Variants in GPR63 observed in about 807,000 individuals in gnomAD.
GPR63 encodes probable G protein-coupled receptor 63.
In GPR63, 12 loss-of-function variants were observed where a neutral mutation model predicts 23.1. The ratio of observed to expected loss-of-function variants is 0.52; its 90% CI spans 0.33 to 0.84. The LOEUF is 0.84. Among genes scored for constraint, GPR63 ranks in the 40% least tolerant of loss-of-function variants. GPR63 has a pLI of 0.02. For synonymous variants in GPR63, 172 were observed against 191.1 expected (o/e 0.90, Z 0.82); for missense variants, 472 against 515.6 (o/e 0.92, Z 0.82).
At chr6:96,825,476 G>A (rs1411549968) in intron 1 of GPR63, among the ~76,000 whole-genome samples, 1 of 151,970 alleles carries the variant, frequency 6.6e-6, no homozygotes, top group Non-Finnish European at 1.5e-5. Flanking sequence ...GATATGGAGT[G>A]TCTTCTACCT....
At position 96,829,757 on chromosome 6, in the gene GPR63, C is replaced by T. The variant is rs867687445; in HGVS notation, c.-151+7511G>A. ...AACATAAGCAGCTAAAGTGATGATT[C>T]GAGATTTACACTCTGAACAAAGCAA... is the stretch of plus-strand genomic sequence containing the variant. On this transcript the variant is annotated intron_variant, in intron 1 of 1. Transcript: ENST00000229955. Among the ~76,000 whole-genome samples the T allele has an allele frequency of 2.0e-5, 3 of 151,696 alleles. No homozygotes were observed. The East Asian group carries it at 5.8e-4, about 29-fold the overall frequency.
In GPR63 at chr6:96,795,347, TTAG is replaced by T. The variant is rs1386929369; in HGVS notation, c.*3122_*3124del. The T allele has an allele frequency of 6.6e-6, 1 of 152,194 alleles. No homozygotes were observed. Among genetic ancestry groups the T allele is most frequent in the Non-Finnish European group, 1.5e-5 (1 of 68,038 alleles). The allele number at this position is 152,194 out of a possible 1,614,324, so 9.4% of individuals were successfully genotyped here. A position where few individuals can be genotyped will look rare whatever the true frequency, so the allele number is the denominator to read the frequency against. On this transcript the variant is annotated 3_prime_UTR_variant, in exon 2 of 2. Transcript: ENST00000229955. ...TGATTATGCCTGTAAGCAGTGAGAA[TTAG>T]TAGTGGTATCTTTCCCTGCCTCAAG...
At chr6:96,833,322 C>T (rs1327556356) in intron 1 of GPR63, among the ~76,000 whole-genome samples, 1 of 152,172 alleles carries the variant, frequency 6.6e-6, no homozygotes, top group Non-Finnish European at 1.5e-5. Context: ...AAATACCATA[C>T]CAAATACATG....
intron 1 of GPR63, among the ~76,000 whole-genome samples, chr6:96,811,717 C>T (rs1244033129): frequency 6.6e-6 from 1 of 152,002 alleles, no homozygotes; most frequent in Admixed American, 6.6e-5. Flanking sequence ...CTAATTAAAA[C>T]TGGGGGAATG....
chr6:96,828,605 C>T (rs1774502440), intron 1 of GPR63, among the ~76,000 whole-genome samples: 1 of 145,972 alleles, frequency 6.9e-6, no homozygotes, highest in Admixed American at 6.8e-5. Context: ...TCAGTCTATC[C>T]AAAAGAAGGC....
chr6:96,801,979 A>G (rs1697166826), intron 1 of GPR63, among the ~76,000 whole-genome samples: 2 of 152,238 alleles, frequency 1.3e-5, no homozygotes, highest in African/African-American at 2.4e-5. Context: ...TTAATTGTAA[A>G]TTAACCTCAA....
intron 1 of GPR63, among the ~76,000 whole-genome samples, chr6:96,832,546 T>A (rs919696910): frequency 3.3e-5 from 5 of 152,006 alleles, no homozygotes; most frequent in African/African-American, 4.8e-5. Flanking sequence ...GTTCTGGGAT[T>A]ACAGGCATGA....
intron 1 of GPR63, among the ~76,000 whole-genome samples, chr6:96,826,540 A>G (rs1303368054): frequency 6.6e-6 from 1 of 152,158 alleles, no homozygotes; most frequent in Non-Finnish European, 1.5e-5. Context: ...CAAACACTCT[A>G]CAGTAAGATT....
intron 1 of GPR63, among the ~76,000 whole-genome samples, chr6:96,813,793 T>C (rs1774098854): frequency 6.6e-6 from 1 of 152,190 alleles, no homozygotes; most frequent in Non-Finnish European, 1.5e-5. Context: ...ATGTCTTCGA[T>C]TATTTGATCT....
intron 1 of GPR63, among the ~76,000 whole-genome samples, chr6:96,804,953 C>T (rs557809365): frequency 4.6e-5 from 7 of 152,226 alleles, no homozygotes; most frequent in Admixed American, 4.6e-4. Context: ...TAATAAATAA[C>T]TTACATATTT....
intron 1 of GPR63, among the ~76,000 whole-genome samples, chr6:96,819,764 C>T (rs1283193409): frequency 1.3e-5 from 2 of 150,492 alleles, no homozygotes; most frequent in Admixed American, 6.6e-5. Flanking sequence ...GGGTAGATCA[C>T]GAGGTCAGGG....
At chr6:96,832,158 T>C (rs1225471666) in intron 1 of GPR63, among the ~76,000 whole-genome samples, 1 of 152,112 alleles carries the variant, frequency 6.6e-6, no homozygotes, top group East Asian at 1.9e-4. Context: ...ATAGTATTTT[T>C]CTATATGTAT....
intron 1 of GPR63, among the ~76,000 whole-genome samples, chr6:96,807,367 C>T (rs1773923146): frequency 6.6e-6 from 1 of 152,234 alleles, no homozygotes; most frequent in Non-Finnish European, 1.5e-5. Flanking sequence ...AACACAGGGA[C>T]CAAAACTAAA....
At chr6:96,837,047 G>T (rs1450939317) in intron 1 of GPR63, among the ~76,000 whole-genome samples, 2 of 152,166 alleles carry the variant, frequency 1.3e-5, no homozygotes, top group Non-Finnish European at 2.9e-5. Flanking sequence ...GGTCCCCACC[G>T]TGTGGCGCCG....
chr6:96,805,709 T>A (rs1562116419), intron 1 of GPR63, among the ~76,000 whole-genome samples: 1 of 152,142 alleles, frequency 6.6e-6, no homozygotes, highest in East Asian at 1.9e-4. Context: ...GTAGGAAAGG[T>A]TAACTGCAAA....
intron 1 of GPR63, among the ~76,000 whole-genome samples, chr6:96,820,984 G>A (rs1774299906): frequency 6.6e-6 from 1 of 152,118 alleles, no homozygotes; most frequent in Admixed American, 6.5e-5. Flanking sequence ...AAGTCAGTCG[G>A]GGAAACAATA....
Position 96,794,647 on chromosome 6 carries a change from G to C in GPR63, c.*3825C>G, listed in dbSNP as rs918359712. 6.6e-6 allele frequency: 1 copy of C among 152,134 alleles called. No homozygotes were observed. Among genetic ancestry groups the C allele is most frequent in the African/African-American group, 2.4e-5 (1 of 41,432 alleles). 9.4% of individuals were successfully genotyped at this position (152,134 alleles called of 1,614,324 possible). A position where few individuals can be genotyped will look rare whatever the true frequency, so the allele number is the denominator to read the frequency against. ...TTATTTTTATTTTACTTCAATGCTTGCATTGAACACAACTGGCAGAGCAAT... is the reference window on the plus strand; with the variant it reads ...TTATTTTTATTTTACTTCAATGCTTCCATTGAACACAACTGGCAGAGCAAT... On this transcript the variant is annotated 3_prime_UTR_variant, in exon 2 of 2. Transcript: ENST00000229955.
At chr6:96,806,260 T>G (rs1432229722) in intron 1 of GPR63, among the ~76,000 whole-genome samples, 2 of 152,218 alleles carry the variant, frequency 1.3e-5, no homozygotes, top group Non-Finnish European at 2.9e-5. Flanking sequence ...TTAAATTTTC[T>G]AGGGGTCTTA....
At chr6:96,835,904 G>C (rs1341628365) in intron 1 of GPR63, among the ~76,000 whole-genome samples, 1 of 152,098 alleles carries the variant, frequency 6.6e-6, no homozygotes, top group African/African-American at 2.4e-5. Context: ...ACACAAAATT[G>C]TACGTAACGC....
Sources: allele counts gnomAD v4.1 joint callset (sites outside exome capture counted in the v4.1 genomes callset), GRCh38; gene constraint gnomAD v4.1.1; transcripts MANE v1.5; gene names NCBI Gene and HGNC (gene_info 2026-07-23, HGNC 2026-07-21).